Variants in RAB21 observed in about 807,000 individuals in gnomAD.
The protein encoded by RAB21 is RAB21, member RAS oncogene family.
Under a neutral mutation model 33.1 loss-of-function variants are expected in RAB21, and 13 were observed. The ratio of observed to expected loss-of-function variants is 0.39; its 90% confidence interval spans 0.26 to 0.62. The LOEUF (loss-of-function observed/expected upper bound fraction) is 0.62. RAB21 is among the 20% of genes least tolerant of loss of function. The probability of loss-of-function intolerance (pLI) is 0.48; values close to 1 mark genes in which losing one functional copy is unlikely to be tolerated. For synonymous variants in RAB21, 91 were observed against 103.7 expected (o/e 0.88, Z 0.74); for missense variants, 234 against 279.1 (o/e 0.84, Z 1.15).
At chr12:71,755,404 C>T in intron 1 of RAB21, 116 bp downstream of exon 1, 3 of 1,235,408 alleles carry the variant, frequency 2.4e-6, no homozygotes, top group Non-Finnish European at 3.2e-6. Flanking sequence ...GGCCTGTCAT[C>T]TCCGCCTTCG....
Position 71,785,909 on chromosome 12 carries a change from T to TTGG in RAB21, c.*236_*237insTGG. ...TTTTTGTTTTTTTTTTGTTTTTTTTTGTTTTTTTTTGAGACGGAGTCTCGC... is the reference window on the plus strand; with the variant it reads ...TTTTTGTTTTTTTTTTGTTTTTTTTTTGGGTTTTTTTTTGAGACGGAGTCTCGC... On this transcript the variant is annotated 3_prime_UTR_variant, in exon 7 of 7. Transcript: ENST00000261263. The TTGG allele has an allele frequency of 4.4e-6, 2 of 453,126 alleles. No homozygotes were observed. The highest frequency in any genetic ancestry group is 3.8e-6 in the Non-Finnish European group (1 of 266,562). The allele number at this position is 453,126 out of a possible 1,614,324, so 28.1% of individuals were successfully genotyped here.
At position 71,796,407 on chromosome 12, in the gene RAB21, T is replaced by C. The variant is rs1883464535; in HGVS notation, c.*10734T>C. 2 of 137,646 alleles carry C rather than the reference T, an allele frequency of 1.5e-5. 1 individual carries two copies. Among genetic ancestry groups the C allele is most frequent in the African/African-American group, 5.9e-5 (2 of 34,150 alleles). The allele number at this position is 137,646 out of a possible 1,614,324, so 8.5% of individuals were successfully genotyped here. A position where few individuals can be genotyped will look rare whatever the true frequency, so the allele number is the denominator to read the frequency against. On this transcript the variant is annotated 3_prime_UTR_variant, in exon 7 of 7. Coordinates refer to ENST00000261263, the MANE Select transcript of RAB21 (RefSeq NM_014999.4). Reference sequence around the variant, plus strand: ...TGAAAGATTAACTTAGAGGTTAGAATGCTTACATTTGCAAATAGCCTGAGG... The same window carrying C: ...TGAAAGATTAACTTAGAGGTTAGAACGCTTACATTTGCAAATAGCCTGAGG...
chr12:71,784,028 C>G (rs1336336320), intron 6 of RAB21, among the ~76,000 whole-genome samples: 1 of 151,952 alleles, frequency 6.6e-6, no homozygotes, highest in African/African-American at 2.4e-5. Flanking sequence ...TAAAACATAC[C>G]TAAAAAATAG....
chr12:71,761,275 A>T (rs1356344845), intron 1 of RAB21, among the ~76,000 whole-genome samples: 1 of 152,244 alleles, frequency 6.6e-6, no homozygotes, highest in Non-Finnish European at 1.5e-5. Context: ...CCAGCTGGGC[A>T]TAGTGGCTCA....
chr12:71,792,542 A>G lies in RAB21; in HGVS notation c.*6869A>G, dbSNP rs1438366263. 6.6e-6 allele frequency: 1 copy of G among 152,216 alleles called. No homozygotes were observed. Among genetic ancestry groups the G allele is most frequent in the Non-Finnish European group, 1.5e-5 (1 of 68,028 alleles). 9.4% of individuals were successfully genotyped at this position (152,216 alleles called of 1,614,324 possible). A position where few individuals can be genotyped will look rare whatever the true frequency, so the allele number is the denominator to read the frequency against. On this transcript the variant is annotated 3_prime_UTR_variant, in exon 7 of 7. Transcript: ENST00000261263. The stretch of plus-strand genomic sequence containing the variant: ...AGGTTAAACGTGTGCCCCAGAACAA[A>G]TGCATTTATTCATGTTTGACTTTAA...
intron 4 of RAB21, among the ~76,000 whole-genome samples, chr12:71,779,394 C>T (rs1013376131): frequency 6.6e-6 from 1 of 152,094 alleles, no homozygotes; most frequent in Non-Finnish European, 1.5e-5. Context: ...GTGGAGGCTG[C>T]AGAGAGCCGT....
chr12:71,789,301 A>G lies in RAB21; in HGVS notation c.*3628A>G, dbSNP rs1268341203. 1.3e-5 allele frequency: 2 copies of G among 152,194 alleles called. No homozygotes were observed. Among genetic ancestry groups the G allele is most frequent in the South Asian group, 2.1e-4 (1 of 4,830 alleles). The allele number at this position is 152,194 out of a possible 1,614,324, so 9.4% of individuals were successfully genotyped here. ...TTAAAAATGGATTGTGATACTGTTT[A>G]TTTCTTTAATTATATAATTTGCAAT... On this transcript the variant is annotated 3_prime_UTR_variant, in exon 7 of 7. Coordinates refer to ENST00000261263, the MANE Select transcript of RAB21 (RefSeq NM_014999.4).
intron 1 of RAB21, among the ~76,000 whole-genome samples, chr12:71,767,634 A>G (rs1882982018): frequency 6.6e-6 from 1 of 152,162 alleles, no homozygotes; most frequent in Non-Finnish European, 1.5e-5. Flanking sequence ...TAGACCCCAG[A>G]GGAAATGTGA....
chr12:71,763,311 G>C (rs575725919), intron 1 of RAB21, among the ~76,000 whole-genome samples: 1 of 151,800 alleles, frequency 6.6e-6, no homozygotes, highest in Non-Finnish European at 1.5e-5. Context: ...TTGACAGAAC[G>C]GTAGTTAGCA....
At position 71,771,227 on chromosome 12, in the gene RAB21, A is replaced by G. The variant is rs1385504893; in HGVS notation, c.327+528A>G. Among the ~76,000 whole-genome samples, 5 of 152,218 alleles carry G rather than the reference A, an allele frequency of 3.3e-5. No homozygotes were observed. The East Asian group carries it at 9.6e-4, about 29-fold the overall frequency. ...TTAGTTTACTTCCCTTCAAAAACAC[A>G]CCACATACGTATGACTCTTAAAGTT... On this transcript the variant is annotated intron_variant, in intron 3 of 6. Coordinates refer to ENST00000261263, the MANE Select transcript of RAB21 (RefSeq NM_014999.4).
chr12:71,775,822 A>G (rs1034997798), intron 4 of RAB21, among the ~76,000 whole-genome samples: 5 of 150,876 alleles, frequency 3.3e-5, no homozygotes, highest in African/African-American at 1.2e-4. Context: ...GGCGTGAGCC[A>G]CTGCACCCGG....
chr12:71,780,240 A>G (rs1388721482), intron 4 of RAB21, among the ~76,000 whole-genome samples: 1 of 152,094 alleles, frequency 6.6e-6, no homozygotes, highest in Non-Finnish European at 1.5e-5. Flanking sequence ...GGTATTGATG[A>G]TATTGATGGA....
intron 6 of RAB21, among the ~76,000 whole-genome samples, chr12:71,783,045 A>C (rs1344136875): frequency 1.3e-5 from 2 of 152,150 alleles, no homozygotes; most frequent in Non-Finnish European, 2.9e-5. Flanking sequence ...TTTGTGAAAC[A>C]AGATATTTGA....
rs189501828 is a variant in RAB21, at chr12:71,778,878, C to T, written c.392-3153C>T. Among the ~76,000 whole-genome samples, 3 of 152,288 alleles carry T rather than the reference C, an allele frequency of 2.0e-5. 1 individual carries two copies. The highest frequency in any genetic ancestry group is 1.3e-4 in the Admixed American group (2 of 15,294). On this transcript the variant is annotated intron_variant, in intron 4 of 6. Coordinates refer to ENST00000261263, the MANE Select transcript of RAB21 (RefSeq NM_014999.4). ...GCGTTACCTGCAAGGCGTGGTGGCT[C>T]ACCCCTGTAATCCCAGCACTTTGGG...
At position 71,755,116 on chromosome 12, in the gene RAB21, C is replaced by T; in HGVS notation, c.-14C>T. The stretch of plus-strand genomic sequence containing the variant: ...GGCGCGACACTCGGGCTCGGGCGGC[C>T]GGGAAGCGACGGGATGGCTGCGGCC... On this transcript the variant is annotated 5_prime_UTR_variant, in exon 1 of 7. Coordinates refer to ENST00000261263, the MANE Select transcript of RAB21 (RefSeq NM_014999.4). 1.7e-6 allele frequency: 2 copies of T among 1,169,662 alleles called. No individual in the cohort carries two copies. The highest frequency in any genetic ancestry group is 1.1e-6 in the Non-Finnish European group (1 of 951,498). The allele number at this position is 1,169,662 out of a possible 1,614,324, so 72.5% of individuals were successfully genotyped here. A position where few individuals can be genotyped will look rare whatever the true frequency, so the allele number is the denominator to read the frequency against.
In RAB21 at chr12:71,785,843, G is replaced by T. The variant is rs1434457018; in HGVS notation, c.*170G>T. 7 of 640,168 alleles carry T rather than the reference G, an allele frequency of 1.1e-5. No homozygotes were observed. In the South Asian group the frequency reaches 2.0e-4, roughly 18 times the overall value. The allele number at this position is 640,168 out of a possible 1,614,324, so 39.7% of individuals were successfully genotyped here. ...GAGACCTTAAGTGCTAAACTTAGTG[G>T]AGTTTGTGACCAGAGAATTGGCATT... On this transcript the variant is annotated 3_prime_UTR_variant, in exon 7 of 7. Transcript: ENST00000261263.
At chr12:71,782,759 G>T in intron 6 of RAB21, 101 bp downstream of exon 6, 1 of 779,942 alleles carries the variant, frequency 1.3e-6, no homozygotes, top group African/African-American at 1.8e-5. Context: ...CAAAGAATTG[G>T]TTCTTTTTAA....
chr12:71,761,785 A>T (rs1049495340), intron 1 of RAB21, among the ~76,000 whole-genome samples: 6 of 152,098 alleles, frequency 3.9e-5, no homozygotes, highest in Admixed American at 6.5e-5. Flanking sequence ...TTTATTTTTG[A>T]GACACTTGGC....
At chr12:71,772,403 C>T (rs571406225) in intron 3 of RAB21, among the ~76,000 whole-genome samples, 9 of 152,180 alleles carry the variant, frequency 5.9e-5, no homozygotes, top group Non-Finnish European at 1.3e-4. Flanking sequence ...CTTGTCAAAG[C>T]AGGTTACAAG....
Sources: gnomAD v4.1 joint callset for allele counts (sites outside exome capture counted in the v4.1 genomes callset) on GRCh38, gnomAD v4.1.1 for gene constraint, MANE v1.5 for transcripts, NCBI Gene and HGNC (gene_info 2026-07-23, HGNC 2026-07-21) for gene names.